Variants in YEATS2 observed in about 807,000 individuals in gnomAD.
YEATS2 encodes YEATS domain-containing protein 2.
Under a neutral mutation model 163.2 loss-of-function variants are expected in YEATS2, and 77 were observed. That is an observed-to-expected ratio of 0.47 (90% CI 0.39 to 0.57). The LOEUF is 0.57. Among genes scored for constraint, YEATS2 ranks in the 20% least tolerant of loss-of-function variants. The pLI is 0.00. For synonymous variants in YEATS2, 631 were observed against 645.1 expected (o/e 0.98, Z 0.33); for missense variants, 1,549 against 1,729.8 (o/e 0.90, Z 1.85).
At chr3:183,710,483 A>C (rs1179690500) in intron 1 of YEATS2, among the ~76,000 whole-genome samples, 2 of 152,214 alleles carry the variant, frequency 1.3e-5, no homozygotes, top group Non-Finnish European at 2.9e-5. Context: ...CCCAGTATAG[A>C]GCTTAATCCT....
intron 1 of YEATS2, among the ~76,000 whole-genome samples, chr3:183,701,051 A>ACG (rs1553853673): frequency 0.027 from 3,974 of 147,460 alleles, 130 homozygotes; most frequent in East Asian, 0.14. Flanking sequence ...GTATATATAT[A>ACG]TGTGTGTGTG....
rs555543430 is a variant in YEATS2, at chr3:183,742,470, C to T, written c.925-5202C>T. ...AAGACTTCAGCGGAGGAATTAGCTG[C>T]AGGTATGGTGGAAATAGCAGGAGTA... On this transcript the variant is annotated intron_variant, in intron 8 of 30. Coordinates refer to ENST00000305135, the MANE Select transcript of YEATS2 (RefSeq NM_018023.5). Among the ~76,000 whole-genome samples the T allele has an allele frequency of 4.6e-5, 7 of 152,252 alleles. No homozygotes were observed. In the East Asian group the frequency reaches 1.4e-3, roughly 29 times the overall value.
intron 7 of YEATS2, among the ~76,000 whole-genome samples, chr3:183,730,089 G>T (rs1406008502): frequency 2.8e-5 from 1 of 36,118 alleles, no homozygotes; most frequent in Non-Finnish European, 5.0e-5. Flanking sequence ...TTTTTTTTTG[G>T]AGACACATCC....
chr3:183,706,882 T>G (rs1240499503), intron 1 of YEATS2, among the ~76,000 whole-genome samples: 1 of 152,138 alleles, frequency 6.6e-6, no homozygotes, highest in African/African-American at 2.4e-5. Flanking sequence ...CTCCAAAATC[T>G]GAAACTTCTT....
rs528646306 is a variant in YEATS2 at position 183,705,864 on chromosome 3, TC to T, written c.-20+7873del. ...ACCATCCTGGCTAACATGGTGGAACTCCATCTTTAGTAAAAATGCAAAAAAA... is the reference window on the plus strand; with the variant it reads ...ACCATCCTGGCTAACATGGTGGAACTCATCTTTAGTAAAAATGCAAAAAAA... On this transcript the variant is annotated intron_variant, in intron 1 of 30. Transcript: ENST00000305135. 8.7e-3 allele frequency among the ~76,000 whole-genome samples: 1,324 copies of T among 152,024 alleles called. 8 individuals carry two copies. Among genetic ancestry groups the T allele is most frequent in the Non-Finnish European group, 0.014 (941 of 67,984 alleles).
chr3:183,801,416 A>G, intron 24 of YEATS2, 39 bp from the exon 25 acceptor site: 1 of 1,487,250 alleles, frequency 6.7e-7, no homozygotes. Context: ...TGCTACATGT[A>G]TTTAATTTAT....
intron 20 of YEATS2, among the ~76,000 whole-genome samples, chr3:183,786,900 G>A (rs975077369): frequency 5.3e-5 from 8 of 152,090 alleles, no homozygotes; most frequent in African/African-American, 1.2e-4. Context: ...GTATAAACAC[G>A]TTTTTATTTC....
rs1462589415 is a variant in YEATS2, at chr3:183,754,096, C to G, written c.1151-30C>G. On this transcript the variant is annotated intron_variant, in intron 10 of 30. Coordinates refer to ENST00000305135, the MANE Select transcript of YEATS2 (RefSeq NM_018023.5). ...GGTTTTATTTCAAAGCGATTGATGA[C>G]TTGCCGTTTGCCTCTTTCATCTCAA... 10 of 1,509,982 alleles carry G rather than the reference C, an allele frequency of 6.6e-6. No homozygotes were observed. In the South Asian group the frequency reaches 1.2e-4, roughly 18 times the overall value. The allele number at this position is 1,509,982 out of a possible 1,614,324, so 93.5% of individuals were successfully genotyped here.
At position 183,717,701 on chromosome 3, in the gene YEATS2, G is replaced by C; in HGVS notation, c.151G>C (p.Ala51Pro). ...TGAGACTATTATCAAAGAACAGTTT[G>C]CTCTTGAAATGAAGAATAAGGAACA... Reference protein sequence around the residue: ...KIETIIKEQFALEMKNKEHEI... With the variant: ...KIETIIKEQFPLEMKNKEHEI... Residue 51 changes from alanine to proline, a missense_variant, in exon 3 of 31, where the codon GCT (alanine) becomes CCT (proline). Transcript: ENST00000305135. 1 of 1,567,692 alleles carries C rather than the reference G, an allele frequency of 6.4e-7. No homozygotes were observed. The highest frequency in any genetic ancestry group is 8.6e-7 in the Non-Finnish European group (1 of 1,163,814).
intron 1 of YEATS2, among the ~76,000 whole-genome samples, chr3:183,709,400 C>T (rs1039409758): frequency 3.3e-5 from 5 of 152,076 alleles, no homozygotes; most frequent in African/African-American, 9.6e-5. Context: ...GGCATGATCT[C>T]GGCTCACTGC....
At chr3:183,809,578 G>A (rs1452945898) in intron 30 of YEATS2, 1 of 157,190 alleles carries the variant, frequency 6.4e-6, no homozygotes. Context: ...ACCGGGCTTT[G>A]AAAGGTAATT....
intron 1 of YEATS2, among the ~76,000 whole-genome samples, chr3:183,709,753 C>A (rs1023602667): frequency 2.7e-5 from 4 of 150,736 alleles, no homozygotes; most frequent in Non-Finnish European, 5.9e-5. Flanking sequence ...TCTCGGCTCA[C>A]TGCAAGCTCC....
At chr3:183,780,921 A>T (rs1480065946) in intron 19 of YEATS2, among the ~76,000 whole-genome samples, 1 of 152,210 alleles carries the variant, frequency 6.6e-6, no homozygotes, top group Non-Finnish European at 1.5e-5. Flanking sequence ...GCATATTTCA[A>T]AAGTAGCATC....
chr3:183,774,040 G>A (rs1382862889), intron 17 of YEATS2, among the ~76,000 whole-genome samples: 1 of 152,190 alleles, frequency 6.6e-6, no homozygotes, highest in Admixed American at 6.5e-5. Flanking sequence ...GAGGCTGTTG[G>A]GAGAAAGCTG....
intron 1 of YEATS2, among the ~76,000 whole-genome samples, chr3:183,710,487 T>C (rs1715086985): frequency 1.3e-5 from 2 of 152,230 alleles, no homozygotes; most frequent in South Asian, 2.1e-4. Context: ...GTATAGAGCT[T>C]AATCCTCTTA....
chr3:183,798,822 G>A lies in YEATS2; in HGVS notation c.3227-69G>A, dbSNP rs1008382474. Reference sequence around the variant, plus strand: ...TAGTCTAATGTGGGGTTGTCACCTGGAAGTAGATCACCCTCATTAAAAATA... The same window carrying A: ...TAGTCTAATGTGGGGTTGTCACCTGAAAGTAGATCACCCTCATTAAAAATA... On this transcript the variant is annotated intron_variant, in intron 22 of 30. Transcript: ENST00000305135. 1.5e-5 allele frequency: 18 copies of A among 1,235,694 alleles called. No individual in the cohort carries two copies. The Middle Eastern group carries it at 5.6e-4, about 39-fold the overall frequency. 76.5% of individuals were successfully genotyped at this position (1,235,694 alleles called of 1,614,324 possible).
At chr3:183,780,755 T>G (rs1464571692) in intron 19 of YEATS2, among the ~76,000 whole-genome samples, 5 of 152,236 alleles carry the variant, frequency 3.3e-5, no homozygotes, top group African/African-American at 1.2e-4. Context: ...GCTAATCAAG[T>G]GGATAAATCT....
chr3:183,723,338 CTG>C (rs1716734315), intron 5 of YEATS2, among the ~76,000 whole-genome samples: 1 of 152,176 alleles, frequency 6.6e-6, no homozygotes, highest in African/African-American at 2.4e-5. Context: ...CAGGTGTTGA[CTG>C]TGATACAGAA....
chr3:183,719,010 A>G (rs190978928), intron 4 of YEATS2, among the ~76,000 whole-genome samples: 38 of 150,500 alleles, frequency 2.5e-4, no homozygotes, highest in Middle Eastern at 3.7e-3. Context: ...TACTTCTTAC[A>G]TTGACCTTCA....
Sources: allele counts gnomAD v4.1 joint callset (sites outside exome capture counted in the v4.1 genomes callset), GRCh38; gene constraint gnomAD v4.1.1; transcripts MANE v1.5; gene names NCBI Gene and HGNC (gene_info 2026-07-23, HGNC 2026-07-21).